Variants in SIPA1L1 observed in about 807,000 individuals in gnomAD.
The protein encoded by SIPA1L1 is signal-induced proliferation-associated 1-like protein 1.
A neutral mutation model predicts 162.7 loss-of-function variants in SIPA1L1; 26 were observed. The observed-to-expected ratio is 0.16, with a 90% confidence interval of 0.12 to 0.22. The LOEUF (loss-of-function observed/expected upper bound fraction) is 0.22, where lower values mean the gene tolerates loss of function less well. Among genes scored for constraint, SIPA1L1 ranks in the 10% least tolerant of loss-of-function variants. The probability of loss-of-function intolerance (pLI) is 1.00; values close to 1 mark genes in which losing one functional copy is unlikely to be tolerated. For synonymous variants in SIPA1L1, 829 were observed against 837.4 expected (o/e 0.99, Z 0.17); for missense variants, 1,874 against 2,241.0 (o/e 0.84, Z 3.31).
intron 10 of SIPA1L1, among the ~76,000 whole-genome samples, chr14:71,667,029 T>C (rs537446575): frequency 1.3e-5 from 2 of 152,294 alleles, no homozygotes; most frequent in African/African-American, 4.8e-5. Context: ...AAGACAAGAA[T>C]CTGATTATGT....
At chr14:71,513,411 T>A (rs557069991) in intron 3 of SIPA1L1, among the ~76,000 whole-genome samples, 28 of 152,286 alleles carry the variant, frequency 1.8e-4, no homozygotes, top group African/African-American at 6.5e-4. Context: ...AGTGTGTGTG[T>A]TTATAAATAC....
intron 2 of SIPA1L1, among the ~76,000 whole-genome samples, chr14:71,471,872 A>G (rs1479186348): frequency 6.6e-6 from 1 of 152,212 alleles, no homozygotes; most frequent in African/African-American, 2.4e-5. Flanking sequence ...TCAGCTAATT[A>G]TTGAATTTAG....
chr14:71,386,822 T>TGAG (rs149214148), intron 2 of SIPA1L1, among the ~76,000 whole-genome samples: 49 of 152,372 alleles, frequency 3.2e-4, no homozygotes, highest in African/African-American at 1.2e-3. Flanking sequence ...GTTGATCTAC[T>TGAG]GAGGCTGTGT....
intron 10 of SIPA1L1, among the ~76,000 whole-genome samples, chr14:71,667,654 T>C (rs2044146730): frequency 6.6e-6 from 1 of 152,240 alleles, no homozygotes; most frequent in Non-Finnish European, 1.5e-5. Context: ...ATGTTTTCTG[T>C]ATCACCTTCC....
chr14:71,494,453 A>G (rs753981354), intron 2 of SIPA1L1, among the ~76,000 whole-genome samples: 1 of 150,698 alleles, frequency 6.6e-6, no homozygotes, highest in East Asian at 2.0e-4. Context: ...TGATTTTTGG[A>G]TGTTAAACCA....
At chr14:71,330,338 A>T in intron 2 of SIPA1L1, 1 of 812,926 alleles carries the variant, frequency 1.2e-6, no homozygotes, top group Non-Finnish European at 2.2e-6. Context: ...GTAACTCTCT[A>T]GTGCACAGTC....
Position 71,583,134 on chromosome 14 carries a change from C to T in SIPA1L1, c.-302-4437C>T, listed in dbSNP as rs149957301. 3.7e-3 allele frequency among the ~76,000 whole-genome samples: 569 copies of T among 152,282 alleles called. 6 individuals are homozygous for T. The highest frequency in any genetic ancestry group is 6.6e-3 in the Non-Finnish European group (450 of 68,024). On this transcript the variant is annotated intron_variant, in intron 4 of 23. Coordinates refer to ENST00000381232, the MANE Select transcript of SIPA1L1 (RefSeq NM_001386936.1). ...TACAGGCATTCTAAGTCTGTGTTTACAAGTTCAAAAACTATTTCTATTTTT... is the reference window on the plus strand; with the variant it reads ...TACAGGCATTCTAAGTCTGTGTTTATAAGTTCAAAAACTATTTCTATTTTT...
At chr14:71,736,649 C>T (rs767939113) in intron 22 of SIPA1L1, among the ~76,000 whole-genome samples, 1 of 152,138 alleles carries the variant, frequency 6.6e-6, no homozygotes, top group Non-Finnish European at 1.5e-5. Flanking sequence ...GTGAGGAGAG[C>T]AGCAATCAGG....
intron 2 of SIPA1L1, among the ~76,000 whole-genome samples, chr14:71,420,646 G>A (rs185511428): frequency 1.1e-4 from 17 of 152,260 alleles, no homozygotes; most frequent in East Asian, 9.6e-4. Flanking sequence ...AGAGAAAAGT[G>A]CAGTGAGCCC....
chr14:71,369,729 T>C (rs1373393373), intron 2 of SIPA1L1, among the ~76,000 whole-genome samples: 1 of 128,948 alleles, frequency 7.8e-6, no homozygotes, highest in Non-Finnish European at 1.6e-5. Flanking sequence ...GGGGATGGCA[T>C]TGAATCTGTA....
intron 4 of SIPA1L1, among the ~76,000 whole-genome samples, chr14:71,538,434 A>G (rs944685731): frequency 6.6e-6 from 1 of 152,194 alleles, no homozygotes; most frequent in African/African-American, 2.4e-5. Context: ...GTACACAGGG[A>G]CATCATCCTT....
At chr14:71,596,195 T>G (rs754853835) in intron 5 of SIPA1L1, among the ~76,000 whole-genome samples, 1 of 152,208 alleles carries the variant, frequency 6.6e-6, no homozygotes, top group Non-Finnish European at 1.5e-5. Context: ...CAGACCGTGA[T>G]GCAGGTCTGA....
At chr14:71,326,715 C>CT (rs34173331) in intron 2 of SIPA1L1, among the ~76,000 whole-genome samples, 3,173 of 107,434 alleles carry the variant, frequency 0.03, 168 homozygotes, top group African/African-American at 0.064. Context: ...ATGTAATTTG[C>CT]TTTTTTTTTT....
chr14:71,541,994 A>G (rs1445311549), intron 4 of SIPA1L1, among the ~76,000 whole-genome samples: 1 of 152,206 alleles, frequency 6.6e-6, no homozygotes, highest in Admixed American at 6.5e-5. Flanking sequence ...TTTGGGGTTA[A>G]GGGACAGGAG....
At chr14:71,667,092 C>G (rs781312945) in intron 10 of SIPA1L1, among the ~76,000 whole-genome samples, 2 of 152,074 alleles carry the variant, frequency 1.3e-5, no homozygotes, top group African/African-American at 4.8e-5. Context: ...GCAAGCATAG[C>G]TTACTGCATG....
chr14:71,702,334 G>A (rs1397761712), intron 14 of SIPA1L1, 47 bp from the exon 15 acceptor site: 1 of 1,606,060 alleles, frequency 6.2e-7, no homozygotes. Flanking sequence ...TTCCCCTCAT[G>A]GGTAAGGTCC....
At chr14:71,359,633 A>G (rs1017974128) in intron 2 of SIPA1L1, among the ~76,000 whole-genome samples, 1 of 152,216 alleles carries the variant, frequency 6.6e-6, no homozygotes, top group Non-Finnish European at 1.5e-5. Flanking sequence ...TACTGGTAAA[A>G]TGACAGATTC....
intron 5 of SIPA1L1, among the ~76,000 whole-genome samples, chr14:71,594,554 A>C (rs1203340663): frequency 6.6e-6 from 1 of 152,186 alleles, no homozygotes; most frequent in Non-Finnish European, 1.5e-5. Flanking sequence ...TGATGTGGAC[A>C]GTTTTAGATT....
At chr14:71,570,473 T>G (rs191889368) in intron 4 of SIPA1L1, among the ~76,000 whole-genome samples, 11 of 152,120 alleles carry the variant, frequency 7.2e-5, no homozygotes, top group South Asian at 2.1e-4. Context: ...CCATGTTGCC[T>G]AGGCTGGTCT....
Sources: allele counts gnomAD v4.1 joint callset (sites outside exome capture counted in the v4.1 genomes callset), GRCh38; gene constraint gnomAD v4.1.1; transcripts MANE v1.5; gene names NCBI Gene and HGNC (gene_info 2026-07-23, HGNC 2026-07-21).